PARD3: variants seen among roughly 807,000 people sequenced by gnomAD.
The protein encoded by PARD3 is partitioning defective 3 homolog.
PARD3 carries 75 observed loss-of-function variants against 155.4 expected under a neutral mutation model. The ratio of observed to expected loss-of-function variants is 0.48; its 90% confidence interval spans 0.40 to 0.58. PARD3 has a LOEUF of 0.58. PARD3 is among the 20% of genes least tolerant of loss of function. The pLI, the probability that PARD3 is intolerant of heterozygous loss-of-function variation, is 0.00. For synonymous variants in PARD3, 576 were observed against 610.5 expected (o/e 0.94, Z 0.83); for missense variants, 1,642 against 1,721.7 (o/e 0.95, Z 0.82).
chr10:34,684,778 TACACACACACACACACACAC>T (rs3087285), intron 2 of PARD3, among the ~76,000 whole-genome samples: 2,772 of 119,110 alleles, frequency 0.023, 32 homozygotes, highest in Middle Eastern at 0.061. Context: ...TGATGATACA[TACACACACACACACACACAC>T]ACACACACAC....
At chr10:34,790,397 G>A (rs1170207951) in intron 1 of PARD3, among the ~76,000 whole-genome samples, 1 of 152,202 alleles carries the variant, frequency 6.6e-6, no homozygotes, top group Non-Finnish European at 1.5e-5. Flanking sequence ...ACAGCACTGA[G>A]CAGCCACAGC....
intron 5 of PARD3, among the ~76,000 whole-genome samples, chr10:34,413,608 C>T (rs1845350334): frequency 6.6e-6 from 1 of 152,158 alleles, no homozygotes; most frequent in South Asian, 2.1e-4. Context: ...TTACCTGCCT[C>T]ACAGGTCTCT....
intron 5 of PARD3, among the ~76,000 whole-genome samples, chr10:34,413,632 G>A (rs987377036): frequency 5.3e-5 from 8 of 152,138 alleles, no homozygotes; most frequent in Non-Finnish European, 5.9e-5. Context: ...ACCACGCTGA[G>A]TTTCGCAGGC....
In PARD3 at chr10:34,696,461, T is replaced by A. The variant is rs769401378; in HGVS notation, c.121-42A>T. 6 of 1,193,410 alleles carry A rather than the reference T, an allele frequency of 5.0e-6. No homozygotes were observed. In the South Asian group the frequency reaches 6.2e-5, roughly 12 times the overall value. 73.9% of individuals were successfully genotyped at this position (1,193,410 alleles called of 1,614,324 possible). On this transcript the variant is annotated intron_variant, in intron 1 of 24. Transcript: ENST00000374788. ...AAACACTGAATATAGCAAGTTAGCA[T>A]CACCAAAAGGGAATTAGACATTTTA...
intron 22 of PARD3, among the ~76,000 whole-genome samples, chr10:34,239,102 A>T (rs950403814): frequency 6.6e-6 from 1 of 152,240 alleles, no homozygotes; most frequent in African/African-American, 2.4e-5. Context: ...TTGTTTGCTT[A>T]CATGCTTGAC....
intron 2 of PARD3, among the ~76,000 whole-genome samples, chr10:34,625,899 G>A (rs750228199): frequency 1.3e-5 from 2 of 152,300 alleles, no homozygotes; most frequent in Middle Eastern, 3.4e-3. Context: ...CAATAAGAGC[G>A]AAACTCCACC....
chr10:34,753,978 G>A (rs1177838768), intron 1 of PARD3, among the ~76,000 whole-genome samples: 1 of 151,932 alleles, frequency 6.6e-6, no homozygotes, highest in Non-Finnish European at 1.5e-5. Flanking sequence ...AACAAAAATA[G>A]TCATCGTAGA....
intron 22 of PARD3, among the ~76,000 whole-genome samples, chr10:34,230,427 T>C (rs1952861858): frequency 6.6e-6 from 1 of 152,098 alleles, no homozygotes; most frequent in Non-Finnish European, 1.5e-5. Context: ...TTGTCTATAT[T>C]TGCCAAAAAG....
At chr10:34,238,254 T>C (rs2133626368) in intron 22 of PARD3, among the ~76,000 whole-genome samples, 1 of 152,328 alleles carries the variant, frequency 6.6e-6, no homozygotes, top group Admixed American at 6.5e-5. Flanking sequence ...TAACTGGCTT[T>C]GGCAACAGAC....
At chr10:34,676,226 C>T (rs931739188) in intron 2 of PARD3, among the ~76,000 whole-genome samples, 4 of 152,186 alleles carry the variant, frequency 2.6e-5, no homozygotes, top group Non-Finnish European at 5.9e-5. Flanking sequence ...AATTTTAAAA[C>T]TTATGTTTTC....
intron 5 of PARD3, among the ~76,000 whole-genome samples, chr10:34,437,165 T>C (rs2076232115): frequency 1.3e-5 from 2 of 152,250 alleles, no homozygotes; most frequent in South Asian, 4.2e-4. Context: ...GAATCCTGTG[T>C]CTCATACAGA....
At chr10:34,663,770 C>G (rs1487673866) in intron 2 of PARD3, 1 of 151,510 alleles carries the variant, frequency 6.6e-6, no homozygotes. Flanking sequence ...CTTTTCATTT[C>G]CCCCTCAGTT....
intron 1 of PARD3, among the ~76,000 whole-genome samples, chr10:34,772,365 C>A (rs1234780573): frequency 1.3e-5 from 2 of 152,014 alleles, no homozygotes; most frequent in Non-Finnish European, 2.9e-5. Flanking sequence ...AAAGGACTTG[C>A]ATTCCTCGAA....
At chr10:34,124,592 A>G (rs1364332807) in intron 23 of PARD3, among the ~76,000 whole-genome samples, 1 of 152,174 alleles carries the variant, frequency 6.6e-6, no homozygotes, top group Non-Finnish European at 1.5e-5. Flanking sequence ...CACACATGCC[A>G]TAATTATGTA....
At chr10:34,763,699 G>C (rs1487677326) in intron 1 of PARD3, among the ~76,000 whole-genome samples, 1 of 152,094 alleles carries the variant, frequency 6.6e-6, no homozygotes, top group Non-Finnish European at 1.5e-5. Context: ...CTGCAGCTGT[G>C]TCTAGCCCAC....
chr10:34,276,090 C>T (rs1185107759), intron 21 of PARD3, among the ~76,000 whole-genome samples: 1 of 151,958 alleles, frequency 6.6e-6, no homozygotes, highest in African/African-American at 2.4e-5. Flanking sequence ...TTGTACCACC[C>T]GACATTGATG....
At chr10:34,251,692 C>A (rs1954318325) in intron 22 of PARD3, among the ~76,000 whole-genome samples, 1 of 152,120 alleles carries the variant, frequency 6.6e-6, no homozygotes, top group African/African-American at 2.4e-5. Context: ...TCTAAGAAAC[C>A]TACAAGAATT....
At chr10:34,446,069 G>A (rs564008973) in intron 5 of PARD3, among the ~76,000 whole-genome samples, 1 of 152,262 alleles carries the variant, frequency 6.6e-6, no homozygotes, top group South Asian at 2.1e-4. Context: ...CTGTCAGGAG[G>A]TTATTAGGAA....
At chr10:34,200,960 C>A (rs1196369917) in intron 22 of PARD3, among the ~76,000 whole-genome samples, 2 of 152,230 alleles carry the variant, frequency 1.3e-5, no homozygotes, top group Non-Finnish European at 2.9e-5. Context: ...CTGCCCCCCA[C>A]TGCCTGCCTT....
Sources: gnomAD v4.1 joint callset for allele counts (sites outside exome capture counted in the v4.1 genomes callset) on GRCh38, gnomAD v4.1.1 for gene constraint, MANE v1.5 for transcripts, NCBI Gene and HGNC (gene_info 2026-07-23, HGNC 2026-07-21) for gene names.